The following KIAA0825 variants were observed in gnomAD, a reference collection of about 807,000 sequenced individuals.
KIAA0825 encodes KIAA0825, also known as uncharacterized protein KIAA0825.
A neutral mutation model predicts 147.6 loss-of-function variants in KIAA0825; 119 were observed. The observed-to-expected ratio is 0.81, with a 90% CI of 0.69 to 0.94. KIAA0825 has a LOEUF of 0.94. Ranked by LOEUF, KIAA0825 falls within the 40% of genes least tolerant of loss-of-function variation. The pLI, the probability that KIAA0825 is intolerant of heterozygous loss-of-function variation, is 0.00. For synonymous variants in KIAA0825, 470 were observed against 518.1 expected (o/e 0.91, Z 1.26); for missense variants, 1,381 against 1,472.7 (o/e 0.94, Z 1.02).
intron 2 of KIAA0825, among the ~76,000 whole-genome samples, chr5:94,566,019 A>G (rs1778648877): frequency 6.6e-6 from 1 of 152,226 alleles, no homozygotes; most frequent in African/African-American, 2.4e-5. Context: ...AAGTGAGAAC[A>G]TGCCATATCT....
chr5:94,277,651 T>G (rs1396473774), intron 20 of KIAA0825, among the ~76,000 whole-genome samples: 2 of 152,210 alleles, frequency 1.3e-5, no homozygotes, highest in Non-Finnish European at 2.9e-5. Context: ...GCTTTTACAC[T>G]GTTGGTGGGA....
intron 1 of KIAA0825, among the ~76,000 whole-genome samples, chr5:94,617,213 G>A (rs189099462): frequency 6.6e-6 from 1 of 152,212 alleles, no homozygotes; most frequent in African/African-American, 2.4e-5. Flanking sequence ...CTAAAAACTA[G>A]TTGCTGTACA....
intron 20 of KIAA0825, among the ~76,000 whole-genome samples, chr5:94,333,387 T>G (rs1282844915): frequency 1.3e-5 from 2 of 152,200 alleles, no homozygotes; most frequent in Non-Finnish European, 2.9e-5. Flanking sequence ...TTAATCCATC[T>G]TGAGTTAATT....
intron 10 of KIAA0825, among the ~76,000 whole-genome samples, chr5:94,468,012 C>A (rs1316791584): frequency 2.0e-5 from 3 of 152,132 alleles, no homozygotes; most frequent in Non-Finnish European, 4.4e-5. Context: ...TAAATAACAA[C>A]CACTAACTCT....
At chr5:94,415,950 G>C (rs1753399113) in intron 15 of KIAA0825, 1 of 152,186 alleles carries the variant, frequency 6.6e-6, no homozygotes, top group South Asian at 2.1e-4. Flanking sequence ...TTATAATCTT[G>C]TGAGAAAATC....
At chr5:94,442,076 C>T (rs1757150916) in intron 13 of KIAA0825, among the ~76,000 whole-genome samples, 1 of 152,110 alleles carries the variant, frequency 6.6e-6, no homozygotes, top group African/African-American at 2.4e-5. Flanking sequence ...TAAATGTTAA[C>T]TGATTGATTT....
chr5:94,508,264 T>G (rs1766006197), intron 5 of KIAA0825, among the ~76,000 whole-genome samples: 1 of 152,158 alleles, frequency 6.6e-6, no homozygotes, highest in Non-Finnish European at 1.5e-5. Flanking sequence ...TGCACAAAAC[T>G]AAATTATTAC....
rs899077151 is a variant in KIAA0825, at chr5:94,585,909, T to C, written c.-152-3326A>G. 3.9e-5 allele frequency among the ~76,000 whole-genome samples: 6 copies of C among 152,238 alleles called. No homozygotes were observed. In the East Asian group the frequency reaches 7.7e-4, roughly 20 times the overall value. ...ACTCACTCAAAACCACAAATCTACA[T>C]GGAAACTGAACAACCTGCTCCTGAG... is the stretch of plus-strand genomic sequence containing the variant. On this transcript the variant is annotated intron_variant, in intron 1 of 20. Coordinates refer to ENST00000682413, the MANE Select transcript of KIAA0825 (RefSeq NM_001145678.3).
rs533087704 is a variant in KIAA0825, at chr5:94,607,290, A to T, written c.-153+11210T>A. Reference sequence around the variant, plus strand: ...CAAAACATTATATGTCATTTTTGCTATATTGACATTTGCACTAAAAGTGCA... The same window carrying T: ...CAAAACATTATATGTCATTTTTGCTTTATTGACATTTGCACTAAAAGTGCA... On this transcript the variant is annotated intron_variant, in intron 1 of 20. Coordinates refer to ENST00000682413, the MANE Select transcript of KIAA0825 (RefSeq NM_001145678.3). 4.0e-4 allele frequency among the ~76,000 whole-genome samples: 61 copies of T among 152,222 alleles called. 1 individual carries two copies. In the South Asian group the frequency reaches 8.5e-3, roughly 21 times the overall value.
At chr5:94,425,981 G>C (rs918263197) in intron 14 of KIAA0825, among the ~76,000 whole-genome samples, 2 of 151,532 alleles carry the variant, frequency 1.3e-5, no homozygotes, top group Non-Finnish European at 2.9e-5. Context: ...CCAAGTAGCT[G>C]GGACTACAGG....
chr5:94,511,489 A>T (rs1023956757), intron 5 of KIAA0825, among the ~76,000 whole-genome samples: 1 of 152,148 alleles, frequency 6.6e-6, no homozygotes, highest in Non-Finnish European at 1.5e-5. Flanking sequence ...ACGTGGTGGC[A>T]CATGCCTGTA....
chr5:94,261,087 A>G (rs1387215922), intron 20 of KIAA0825, among the ~76,000 whole-genome samples: 2 of 152,044 alleles, frequency 1.3e-5, no homozygotes, highest in African/African-American at 4.8e-5. Flanking sequence ...GGATTGCTTG[A>G]GCCCAGGAGT....
chr5:94,237,509 C>G (rs1319078650), intron 20 of KIAA0825, among the ~76,000 whole-genome samples: 1 of 152,134 alleles, frequency 6.6e-6, no homozygotes, highest in Non-Finnish European at 1.5e-5. Context: ...AGGGAGCCCT[C>G]CCGTCAAACG....
At chr5:94,607,348 T>G (rs1787673552) in intron 1 of KIAA0825, among the ~76,000 whole-genome samples, 1 of 152,048 alleles carries the variant, frequency 6.6e-6, no homozygotes. Flanking sequence ...TCAGGCTGGG[T>G]GCGGTGGCTC....
chr5:94,160,619 T>C lies in KIAA0825; in HGVS notation c.3711-6495A>G, dbSNP rs566054805. ...TATGTATGTATATTTAATATATACATATTAAATATATACTGTATGTGTGTA... is the reference window on the plus strand; with the variant it reads ...TATGTATGTATATTTAATATATACACATTAAATATATACTGTATGTGTGTA... On this transcript the variant is annotated intron_variant, in intron 20 of 20. Coordinates refer to ENST00000682413, the MANE Select transcript of KIAA0825 (RefSeq NM_001145678.3). Among the ~76,000 whole-genome samples the C allele has an allele frequency of 2.0e-5, 3 of 148,406 alleles. No individual in the cohort carries two copies. In the East Asian group the frequency reaches 5.8e-4, roughly 29 times the overall value.
At chr5:94,450,765 C>A (rs1377801373) in intron 13 of KIAA0825, among the ~76,000 whole-genome samples, 1 of 152,126 alleles carries the variant, frequency 6.6e-6, no homozygotes, top group African/African-American at 2.4e-5. Context: ...CATACTAGCA[C>A]GTCAGAATCC....
At chr5:94,446,324 T>C (rs917396209) in intron 13 of KIAA0825, among the ~76,000 whole-genome samples, 62 of 152,124 alleles carry the variant, frequency 4.1e-4, no homozygotes, top group Non-Finnish European at 1.0e-4. Flanking sequence ...GACACATATA[T>C]AGTTTAAGTG....
chr5:94,381,984 TCA>T (rs1228381294), intron 20 of KIAA0825, among the ~76,000 whole-genome samples: 1 of 152,220 alleles, frequency 6.6e-6, no homozygotes, highest in African/African-American at 2.4e-5. Flanking sequence ...ATATTTCAGT[TCA>T]CTTTTCTTTG....
At chr5:94,542,798 T>C (rs1773596631) in intron 2 of KIAA0825, among the ~76,000 whole-genome samples, 2 of 151,680 alleles carry the variant, frequency 1.3e-5, no homozygotes, top group South Asian at 4.2e-4. Flanking sequence ...CGGAGCGAGA[T>C]TCCCTCTCAA....
Sources: gnomAD v4.1 joint callset for allele counts (sites outside exome capture counted in the v4.1 genomes callset) on GRCh38, gnomAD v4.1.1 for gene constraint, MANE v1.5 for transcripts, NCBI Gene and HGNC (gene_info 2026-07-23, HGNC 2026-07-21) for gene names.